The following STAP2 variants were observed in gnomAD, a reference collection of about 807,000 sequenced individuals.
The protein encoded by STAP2 is signal-transducing adaptor protein 2.
Under a neutral mutation model 52.7 loss-of-function variants are expected in STAP2, and 58 were observed. The observed-to-expected ratio is 1.10, with a 90% CI of 0.89 to 1.37. The LOEUF (loss-of-function observed/expected upper bound fraction) is 1.37, where lower values mean the gene tolerates loss of function less well. Among genes scored for constraint, STAP2 ranks in the 40% most tolerant of loss-of-function variants. The pLI is 0.00. For missense variants in STAP2, 522 were observed against 519.4 expected, an observed-to-expected ratio of 1.00 and a Z score of -0.05; for synonymous variants, 231 against 210.5, an observed-to-expected ratio of 1.10 and a Z score of -0.84.
At chr19:4,336,076 G>A (rs1396939394) in intron 1 of STAP2, among the ~76,000 whole-genome samples, 8 of 151,930 alleles carry the variant, frequency 5.3e-5, no homozygotes, top group African/African-American at 1.9e-4. Context: ...GCAGTGGTGC[G>A]ATCTCGGCTC....
intron 6 of STAP2, 105 bp from the exon 7 acceptor site, chr19:4,327,490 C>T (rs1971814634): frequency 8.0e-7 from 1 of 1,246,576 alleles, no homozygotes; most frequent in African/African-American, 1.5e-5. Flanking sequence ...AGAAACAGGT[C>T]CATACTGGCT....
rs1163934322 is a variant in STAP2, at chr19:4,337,507, C to T, written c.102+1145G>A. Among the ~76,000 whole-genome samples the T allele has an allele frequency of 7.0e-5, 10 of 143,124 alleles. 1 individual carries two copies. Among genetic ancestry groups the T allele is most frequent in the Admixed American group, 4.9e-4 (7 of 14,154 alleles). 93.9% of individuals were successfully genotyped at this position (143,124 alleles called of 152,430 possible). A position where few individuals can be genotyped will look rare whatever the true frequency, so the allele number is the denominator to read the frequency against. On this transcript the variant is annotated intron_variant, in intron 1 of 12. Coordinates refer to ENST00000594605, the MANE Select transcript of STAP2 (RefSeq NM_001013841.2). ...TCAGCCTCCCTAAGTGCTGGGATTA[C>T]AGGTGTGACCCACTGCGCCTGGCCA...
rs1272667259 is a variant in STAP2 at position 4,333,799 on chromosome 19, G to A, written c.192C>T (p.Asn64=). Residue 64 remains asparagine, a synonymous_variant, in exon 3 of 13, where the codon AAC becomes AAT. Coordinates refer to ENST00000594605, the MANE Select transcript of STAP2 (RefSeq NM_001013841.2). ...CTGTGAGTTTCTCAAATGCTCCCAA[G>A]TTGAGCTTCTCCACGTGCTGGGGGC... is the stretch of plus-strand genomic sequence containing the variant. The part of the protein sequence containing the change: ...NRDFQHVEKL[N]LGAFEKLTDE... 3.1e-6 allele frequency: 5 copies of A among 1,613,898 alleles called. No individual in the cohort carries two copies. In the Admixed American group the frequency reaches 5.0e-5, roughly 16 times the overall value.
At chr19:4,329,602 C>T (rs1599550837) in intron 5 of STAP2, among the ~76,000 whole-genome samples, 1 of 152,048 alleles carries the variant, frequency 6.6e-6, no homozygotes, top group South Asian at 2.1e-4. Context: ...ATCCAGGCCC[C>T]GCCTCTAGGG....
chr19:4,327,099 C>T, intron 8 of STAP2, 25 bp downstream of exon 8: 1 of 1,613,606 alleles, frequency 6.2e-7, no homozygotes. Context: ...CACTGGGCCC[C>T]CGAACTCCCC....
In STAP2 at chr19:4,328,740, C is replaced by T. The variant is rs1971839517; in HGVS notation, c.525G>A (p.Leu175=). 2 of 1,610,024 alleles carry T rather than the reference C, an allele frequency of 1.2e-6. No homozygotes were observed. Among genetic ancestry groups the T allele is most frequent in the Middle Eastern group, 1.7e-4 (1 of 5,806 alleles). ...CGCCGTCCCCGCTGGGCCGCAGCAGCAGGTTCCCGCACTCGGGGTAGCGCT... is the reference window on the plus strand; with the variant it reads ...CGCCGTCCCCGCTGGGCCGCAGCAGTAGGTTCCCGCACTCGGGGTAGCGCT... ...LLERYPECGN[L]LLRPSGDGAD... Residue 175 remains leucine, a synonymous_variant, in exon 6 of 13, where the codon CTG becomes CTA. Coordinates refer to ENST00000594605, the MANE Select transcript of STAP2 (RefSeq NM_001013841.2).
intron 9 of STAP2, among the ~76,000 whole-genome samples, 176 bp downstream of exon 9, chr19:4,326,766 A>AC (rs1971798298): frequency 6.7e-6 from 1 of 149,806 alleles, no homozygotes; most frequent in South Asian, 2.1e-4. Flanking sequence ...CCAAGCTGGG[A>AC]CCCCCGCCCC....
At chr19:4,330,349 C>T (rs1971869525) in intron 4 of STAP2, among the ~76,000 whole-genome samples, 1 of 151,678 alleles carries the variant, frequency 6.6e-6, no homozygotes, top group Non-Finnish European at 1.5e-5. Context: ...GGCGAAACCC[C>T]GTTTGTACTA....
intron 4 of STAP2, among the ~76,000 whole-genome samples, chr19:4,330,426 G>A (rs1289922433): frequency 1.3e-5 from 2 of 151,724 alleles, no homozygotes; most frequent in Non-Finnish European, 2.9e-5. Flanking sequence ...GGAGGCTGGG[G>A]CAGGAGAATC....
chr19:4,338,681 A>C lies in STAP2; in HGVS notation c.73T>G (p.Phe25Val). 6.2e-7 allele frequency: 1 copy of C among 1,613,404 alleles called. No individual in the cohort carries two copies. The highest frequency in any genetic ancestry group is 8.5e-7 in the Non-Finnish European group (1 of 1,179,714). ...TCACAGGGCCCCTTCTTCTCTAGAA[A>C]GCTCTCATAGTAGTGTGAAGGCAGG... ...GVLPSHYYES[F>V]LEKKGPCDRD... is the part of the protein sequence containing the mutation. Residue 25 changes from phenylalanine (F) to valine (V), a missense_variant, in exon 1 of 13, where the codon TTT becomes GTT. Coordinates refer to ENST00000594605, the MANE Select transcript of STAP2 (RefSeq NM_001013841.2).
intron 1 of STAP2, among the ~76,000 whole-genome samples, 176 bp from the exon 2 acceptor site, chr19:4,334,220 C>T (rs1479440591): frequency 1.3e-5 from 2 of 152,066 alleles, no homozygotes; most frequent in African/African-American, 2.4e-5. Flanking sequence ...CAGGGAGATC[C>T]TCCCCACCCA....
chr19:4,337,294 C>G (rs555386886), intron 1 of STAP2, among the ~76,000 whole-genome samples: 2 of 149,368 alleles, frequency 1.3e-5, no homozygotes, highest in African/African-American at 2.5e-5. Flanking sequence ...TGCAGTGGCA[C>G]GATCTTGGCT....
intron 5 of STAP2, 40 bp from the exon 6 acceptor site, chr19:4,328,849 C>T (rs778390186): frequency 1.3e-6 from 2 of 1,598,422 alleles, no homozygotes; most frequent in Middle Eastern, 1.7e-4. Context: ...CCCCGGAGAC[C>T]AAGTCCGCTC....
At chr19:4,332,210 T>C in intron 3 of STAP2, 132 bp from the exon 4 acceptor site, 2 of 596,274 alleles carry the variant, frequency 3.4e-6, no homozygotes, top group Non-Finnish European at 5.2e-6. Flanking sequence ...TTTTTTTTTT[T>C]TTTTTTTTTT....
intron 4 of STAP2, among the ~76,000 whole-genome samples, chr19:4,331,172 A>AT (rs1491403178): frequency 1.3e-5 from 2 of 151,924 alleles, no homozygotes; most frequent in Non-Finnish European, 2.9e-5. Flanking sequence ...CTACAAAAAA[A>AT]TTTTTAAATT....
chr19:4,336,917 G>T (rs1971989343), intron 1 of STAP2, among the ~76,000 whole-genome samples: 1 of 152,116 alleles, frequency 6.6e-6, no homozygotes, highest in Admixed American at 6.6e-5. Context: ...TTACAGGCGT[G>T]AGCCACAAGC....
At position 4,324,165 on chromosome 19, in the gene STAP2, T is replaced by G. The variant is rs1188857061; in HGVS notation, c.1180A>C (p.Lys394Gln). Reference protein sequence around the residue: ...LADMTAELQKKLEKRRALEH With the variant: ...LADMTAELQKQLEKRRALEH ...TCCAGTGCCCGCCTCTTCTCCAGCT[T>G]CTTCTGTAGCTCTGCCGTCATGTCT... Residue 394 changes from lysine to glutamine, a missense_variant, in exon 13 of 13, where the codon AAG becomes CAG. Coordinates refer to ENST00000594605, the MANE Select transcript of STAP2 (RefSeq NM_001013841.2). 4.5e-6 allele frequency: 7 copies of G among 1,551,490 alleles called. No individual in the cohort carries two copies. The highest frequency in any genetic ancestry group is 5.2e-6 in the Non-Finnish European group (6 of 1,146,968).
At chr19:4,338,611 A>G in intron 1 of STAP2, 41 bp downstream of exon 1, 2 of 1,239,126 alleles carry the variant, frequency 1.6e-6, no homozygotes, top group Non-Finnish European at 2.1e-6. Flanking sequence ...GCAGCTCCCC[A>G]CGGTGGCCCA....
intron 9 of STAP2, among the ~76,000 whole-genome samples, chr19:4,326,025 AAGTT>A (rs1971787589): frequency 6.6e-6 from 1 of 151,538 alleles, no homozygotes; most frequent in African/African-American, 2.4e-5. Flanking sequence ...GAATCTAGAT[AAGTT>A]AAAGTGCAAC....
Sources: gnomAD v4.1 joint callset for allele counts (sites outside exome capture counted in the v4.1 genomes callset) on GRCh38, gnomAD v4.1.1 for gene constraint, MANE v1.5 for transcripts, NCBI Gene and HGNC (gene_info 2026-07-23, HGNC 2026-07-21) for gene names.